C4orf50: variants seen among roughly 807,000 people sequenced by gnomAD.
C4orf50 encodes uncharacterized protein C4orf50.
Under a neutral mutation model 77.2 loss-of-function variants are expected in C4orf50, and 80 were observed. The ratio of observed to expected loss-of-function variants is 1.04; its 90% CI spans 0.87 to 1.25. The LOEUF is 1.25. Among genes scored for constraint, C4orf50 ranks in the 50% most tolerant of loss-of-function variants. The pLI, the probability that C4orf50 is intolerant of heterozygous loss-of-function variation, is 0.00. For missense variants in C4orf50, 1,257 were observed against 1,152.9 expected, an observed-to-expected ratio of 1.09 and a Z score of -1.31; for synonymous variants, 532 against 465.3, an observed-to-expected ratio of 1.14 and a Z score of -1.84.
At chr4:5,923,752 C>T (rs4321574) in intron 7 of C4orf50, among the ~76,000 whole-genome samples, 119,188 of 152,128 alleles carry the variant, frequency 0.78, 46,731 homozygotes, top group East Asian at 0.84. Flanking sequence ...ATGGTTAATA[C>T]TGAGTGTCAA....
At chr4:5,960,548 C>G (rs1412171458) in intron 33 of C4orf50, among the ~76,000 whole-genome samples, 1 of 152,214 alleles carries the variant, frequency 6.6e-6, no homozygotes, top group Non-Finnish European at 1.5e-5. Flanking sequence ...GGCAGGGAAT[C>G]GGCGATCACT....
chr4:5,903,598 A>T (rs1716426161), intron 7 of C4orf50: 1 of 152,198 alleles, frequency 6.6e-6, no homozygotes, highest in South Asian at 2.1e-4. Flanking sequence ...GGTCAAATTC[A>T]TAGAGATAGG....
chr4:5,944,778 G>A (rs1161810082), intron 7 of C4orf50, among the ~76,000 whole-genome samples: 1 of 152,168 alleles, frequency 6.6e-6, no homozygotes, highest in Non-Finnish European at 1.5e-5. Context: ...TCAGCGGCAC[G>A]GTGGGAAATG....
intron 25 of C4orf50, among the ~76,000 whole-genome samples, chr4:6,006,264 T>C (rs1216019178): frequency 6.6e-6 from 1 of 152,196 alleles, no homozygotes; most frequent in Non-Finnish European, 1.5e-5. Context: ...AAGATAAATT[T>C]TATTTCCAAA....
downstream of C4orf50, among the ~76,000 whole-genome samples, chr4:5,952,460 G>A (rs1321692850): frequency 6.6e-6 from 1 of 152,212 alleles, no homozygotes; most frequent in Non-Finnish European, 1.5e-5. The surrounding 1 kb of genome is among the most constrained non-coding windows in gnomAD (Gnocchi z 4.4). Flanking sequence ...AAGCGCATGA[G>A]CACTGACTGG....
At chr4:5,947,354 C>T (rs9683432) in intron 7 of C4orf50, among the ~76,000 whole-genome samples, 2 of 152,132 alleles carry the variant, frequency 1.3e-5, no homozygotes, top group East Asian at 3.9e-4. Flanking sequence ...GAACTCAATG[C>T]CCTTGGCCCT....
At chr4:6,006,126 A>C (rs1248363280) in intron 25 of C4orf50, among the ~76,000 whole-genome samples, 3 of 152,210 alleles carry the variant, frequency 2.0e-5, no homozygotes, top group African/African-American at 7.2e-5. Context: ...AACAGCGAGA[A>C]TAGGAGGATA....
At chr4:5,931,748 C>G (rs1717777514) in intron 7 of C4orf50, among the ~76,000 whole-genome samples, 1 of 152,116 alleles carries the variant, frequency 6.6e-6, no homozygotes, top group Admixed American at 6.5e-5. Context: ...TTCTGAGGAG[C>G]CTAAGGTTTG....
In C4orf50 at chr4:5,959,641, A is replaced by G; in HGVS notation, c.4276-15T>C. 1 of 1,606,384 alleles carries G rather than the reference A, an allele frequency of 6.2e-7. No individual in the cohort carries two copies. Among genetic ancestry groups the G allele is most frequent in the Non-Finnish European group, 8.5e-7 (1 of 1,174,476 alleles). ...GACAGAGGGAGCTGCAGGCAAGAGG[A>G]CAATGAAATGGTCTCTGCGTCCACA... On this transcript the variant is annotated splice_polypyrimidine_tract_variant and intron_variant, in intron 33 of 33. Transcript: ENST00000531445.
chr4:5,909,614 T>C (rs1173541064), intron 7 of C4orf50, among the ~76,000 whole-genome samples: 1 of 152,242 alleles, frequency 6.6e-6, no homozygotes, highest in East Asian at 1.9e-4. Context: ...ATTTCTCCCA[T>C]GTTTTCTTCC....
chr4:5,921,864 G>T (rs1717290304), intron 7 of C4orf50, among the ~76,000 whole-genome samples: 1 of 152,210 alleles, frequency 6.6e-6, no homozygotes, highest in Non-Finnish European at 1.5e-5. Context: ...GCCAGGGAAA[G>T]CTGTGATAAG....
intron 31 of C4orf50, among the ~76,000 whole-genome samples, chr4:5,967,764 T>TA (rs1004551278): frequency 6.6e-6 from 1 of 152,196 alleles, no homozygotes; most frequent in Non-Finnish European, 1.5e-5. Flanking sequence ...AAACTGCTAT[T>TA]AAAAAACATT....
chr4:5,946,817 G>A (rs115711054), intron 7 of C4orf50, among the ~76,000 whole-genome samples: 165 of 152,328 alleles, frequency 1.1e-3, no homozygotes, highest in East Asian at 3.1e-3. Context: ...ATGTGCTCTC[G>A]CCATTATTAC....
At chr4:5,982,961 G>T (rs1377464718) in intron 28 of C4orf50, among the ~76,000 whole-genome samples, 1 of 152,136 alleles carries the variant, frequency 6.6e-6, no homozygotes, top group South Asian at 2.1e-4. Context: ...GAGTCTCAGG[G>T]GCCAGAGCAC....
rs1196697469 is a variant in C4orf50, at chr4:6,017,738, C to G, written c.287+407G>C. Reference sequence around the variant, plus strand: ...TGCCAGTTCCCCTAAAAAAATCACCCCAAACCGACCAACTGGATTTGTCTG... The same window carrying G: ...TGCCAGTTCCCCTAAAAAAATCACCGCAAACCGACCAACTGGATTTGTCTG... On this transcript the variant is annotated intron_variant, in intron 23 of 33. Transcript: ENST00000531445. The surrounding 1 kb of genome is among the most constrained non-coding windows in gnomAD (Gnocchi z 4.7). 6.6e-6 allele frequency among the ~76,000 whole-genome samples: 1 copy of G among 152,176 alleles called. No homozygotes were observed. Among genetic ancestry groups the G allele is most frequent in the East Asian group, 1.9e-4 (1 of 5,194 alleles).
chr4:6,001,698 A>G (rs2108801260), intron 25 of C4orf50, among the ~76,000 whole-genome samples: 1 of 152,238 alleles, frequency 6.6e-6, no homozygotes, highest in East Asian at 1.9e-4. Context: ...TTCACCCAGC[A>G]CCTCTTCTGT....
chr4:5,974,694 G>A (rs1266992799), intron 30 of C4orf50, among the ~76,000 whole-genome samples: 1 of 152,172 alleles, frequency 6.6e-6, no homozygotes, highest in Non-Finnish European at 1.5e-5. Flanking sequence ...CTCAGATCCA[G>A]GCCCATGTTC....
chr4:6,017,293 G>A lies in C4orf50; in HGVS notation c.287+852C>T, dbSNP rs1054527785. On this transcript the variant is annotated intron_variant, in intron 23 of 33. Coordinates refer to ENST00000531445, the Ensembl canonical transcript of C4orf50. This position sits in a 1 kb window ranked among gnomAD's most constrained non-coding sequence, Gnocchi z 4.7. The stretch of plus-strand genomic sequence containing the variant: ...CTGGACAGCCACACAGGGAAGAGAC[G>A]ATGTTACCAGGGCAGGGCAGAGCAG... Among the ~76,000 whole-genome samples the A allele has an allele frequency of 7.2e-5, 11 of 152,242 alleles. No homozygotes were observed. Among genetic ancestry groups the A allele is most frequent in the Non-Finnish European group, 1.0e-4 (7 of 68,044 alleles).
Position 5,974,608 on chromosome 4 carries a change from T to G in C4orf50, c.3922-767A>C, listed in dbSNP as rs532463103. The stretch of plus-strand genomic sequence containing the variant: ...AGTCCAGGGCATAACCAGGTTCTGC[T>G]GATGCCCAGCCCAGGGCACCTCCCT... On this transcript the variant is annotated intron_variant, in intron 30 of 33. Coordinates refer to ENST00000531445, the Ensembl canonical transcript of C4orf50. Among the ~76,000 whole-genome samples, 48 of 152,264 alleles carry G rather than the reference T, an allele frequency of 3.2e-4. No homozygotes were observed. In the Middle Eastern group the frequency reaches 0.01, roughly 32 times the overall value.
Sources: allele counts gnomAD v4.1 joint callset (sites outside exome capture counted in the v4.1 genomes callset), GRCh38; gene constraint gnomAD v4.1.1; non-coding constraint Gnocchi (gnomAD v3.1); transcripts MANE v1.5; gene names NCBI Gene and HGNC (gene_info 2026-07-23, HGNC 2026-07-21).